The following SHISA6 variants were observed in gnomAD, a reference collection of about 807,000 sequenced individuals.
SHISA6 encodes the protein protein shisa-6.
In SHISA6, 22 loss-of-function variants were observed where a neutral mutation model predicts 47.9. That is an observed-to-expected ratio of 0.46 (90% CI 0.33 to 0.66). The LOEUF (loss-of-function observed/expected upper bound fraction) is 0.66. SHISA6 is among the 30% of genes least tolerant of loss of function. SHISA6 has a pLI of 0.02. For missense variants in SHISA6, 680 were observed against 764.6 expected, an observed-to-expected ratio of 0.89 and a Z score of 1.30; for synonymous variants, 388 against 337.8, an observed-to-expected ratio of 1.15 and a Z score of -1.63.
chr17:11,325,891 T>C (rs17596918), intron 2 of SHISA6, among the ~76,000 whole-genome samples: 41,171 of 152,048 alleles, frequency 0.27, 6,475 homozygotes, highest in Non-Finnish European at 0.35. Context: ...AAAACAATAA[T>C]GGGGACAGCC....
chr17:11,350,182 A>ATTTTTTTTTTTTTTTTTTT (rs778331945), intron 2 of SHISA6, among the ~76,000 whole-genome samples: 2 of 116,240 alleles, frequency 1.7e-5, no homozygotes, highest in African/African-American at 6.7e-5. Flanking sequence ...TTATTTATTT[A>ATTTTTTTTTTTTTTTTTTT]TTTTTTTTTT....
At chr17:11,388,833 TA>T (rs1913291411) in intron 3 of SHISA6, among the ~76,000 whole-genome samples, 5 of 94,356 alleles carry the variant, frequency 5.3e-5, no homozygotes, top group African/African-American at 9.1e-5. Flanking sequence ...TATATATATA[TA>T]TATATATTTT....
intron 3 of SHISA6, among the ~76,000 whole-genome samples, chr17:11,432,659 T>A (rs76093466): frequency 0.024 from 3,674 of 152,240 alleles, 148 homozygotes; most frequent in African/African-American, 0.084. Context: ...ATCTACTGAT[T>A]AATGGACAAA....
intron 2 of SHISA6, among the ~76,000 whole-genome samples, chr17:11,283,954 TC>T (rs1410364594): frequency 6.6e-6 from 1 of 152,174 alleles, no homozygotes; most frequent in Non-Finnish European, 1.5e-5. Flanking sequence ...AGGTTGTTGT[TC>T]CCCAGTTCCT....
At chr17:11,513,106 CAAG>C (rs1442112306) in intron 3 of SHISA6, among the ~76,000 whole-genome samples, 2 of 151,436 alleles carry the variant, frequency 1.3e-5, no homozygotes, top group Non-Finnish European at 2.9e-5. Context: ...TTCCGTTTCC[CAAG>C]AAGCATGTGC....
intron 3 of SHISA6, among the ~76,000 whole-genome samples, chr17:11,543,244 A>G (rs2071848765): frequency 1.3e-5 from 2 of 152,178 alleles, no homozygotes; most frequent in South Asian, 4.1e-4. Context: ...TGTTGAGTGT[A>G]ATGTATGTAT....
intron 2 of SHISA6, among the ~76,000 whole-genome samples, chr17:11,378,226 C>T (rs946424333): frequency 1.3e-5 from 2 of 152,194 alleles, no homozygotes; most frequent in African/African-American, 4.8e-5. Context: ...GGAAAAAACA[C>T]TTGGAAAATA....
intron 3 of SHISA6, among the ~76,000 whole-genome samples, chr17:11,388,099 G>A (rs75258115): frequency 0.036 from 5,537 of 152,256 alleles, 187 homozygotes; most frequent in Admixed American, 0.088. Flanking sequence ...ACAGTGGATT[G>A]TGGCAAGGAG....
intron 3 of SHISA6, among the ~76,000 whole-genome samples, chr17:11,436,636 G>T (rs1020327982): frequency 6.6e-6 from 1 of 152,058 alleles, no homozygotes; most frequent in East Asian, 1.9e-4. Flanking sequence ...CACCATGAGG[G>T]GAGGCACTCT....
In SHISA6 at chr17:11,543,659, T is replaced by G. The variant is rs147746765; in HGVS notation, c.896-8237T>G. Among the ~76,000 whole-genome samples, 147 of 151,926 alleles carry G rather than the reference T, an allele frequency of 9.7e-4. 1 individual carries two copies. The highest frequency in any genetic ancestry group is 3.2e-3 in the African/African-American group (134 of 41,468). ...AGGAAGTAGAATAGCTAAAAGAATT[T>G]TGAAAAAGAAAAATAAAGTAGGAGG... On this transcript the variant is annotated intron_variant, in intron 3 of 5. Transcript: ENST00000441885.
chr17:11,319,334 C>T (rs1910632731), intron 2 of SHISA6, among the ~76,000 whole-genome samples: 2 of 152,194 alleles, frequency 1.3e-5, no homozygotes, highest in African/African-American at 4.8e-5. Flanking sequence ...CCGCCTCGCC[C>T]TTCCAAAGTG....
chr17:11,557,310 A>C (rs1252092381), intron 5 of SHISA6, among the ~76,000 whole-genome samples: 2 of 152,236 alleles, frequency 1.3e-5, no homozygotes, highest in African/African-American at 2.4e-5. Context: ...TAAGACAGAT[A>C]GTCATTCTGT....
At chr17:11,290,049 T>G (rs756413821) in intron 2 of SHISA6, 1 of 152,206 alleles carries the variant, frequency 6.6e-6, no homozygotes, top group Non-Finnish European at 1.5e-5. Context: ...CTGTGGTGGT[T>G]GTTTTGAATT....
At chr17:11,435,568 T>G (rs1008201652) in intron 3 of SHISA6, among the ~76,000 whole-genome samples, 1 of 152,202 alleles carries the variant, frequency 6.6e-6, no homozygotes, top group Admixed American at 6.5e-5. Flanking sequence ...AAGTCATCTT[T>G]GTTAAAAAAC....
chr17:11,415,234 A>C (rs1208584062), intron 3 of SHISA6, among the ~76,000 whole-genome samples: 1 of 152,202 alleles, frequency 6.6e-6, no homozygotes, highest in Non-Finnish European at 1.5e-5. Context: ...CAGTCCAATG[A>C]AGTAAGAAAT....
chr17:11,394,145 C>T (rs193234800), intron 3 of SHISA6, among the ~76,000 whole-genome samples: 12 of 152,268 alleles, frequency 7.9e-5, no homozygotes, highest in African/African-American at 2.4e-4. Flanking sequence ...ACTGTGTTCC[C>T]TATGGCTAGC....
intron 2 of SHISA6, among the ~76,000 whole-genome samples, chr17:11,305,315 C>A (rs371707416): frequency 1.3e-5 from 2 of 152,162 alleles, no homozygotes; most frequent in African/African-American, 4.8e-5. Flanking sequence ...ACCATGAAGT[C>A]ATCTTTATAG....
chr17:11,364,695 C>A lies in SHISA6; in HGVS notation c.800-14719C>A, dbSNP rs1241533238. 2.0e-5 allele frequency among the ~76,000 whole-genome samples: 3 copies of A among 152,242 alleles called. No homozygotes were observed. In the East Asian group the frequency reaches 5.8e-4, roughly 29 times the overall value. On this transcript the variant is annotated intron_variant, in intron 2 of 5. Transcript: ENST00000441885. The stretch of plus-strand genomic sequence containing the variant: ...ACATGTCAATTGACGGACATATATT[C>A]ATTTCTCCTGGGTAAATTTTTAGAT...
intron 2 of SHISA6, among the ~76,000 whole-genome samples, chr17:11,376,996 A>G (rs1912823482): frequency 6.6e-6 from 1 of 152,240 alleles, no homozygotes; most frequent in Non-Finnish European, 1.5e-5. Context: ...CCTCAGTCTC[A>G]TGAGCAGCTT....
Sources: allele counts gnomAD v4.1 joint callset (sites outside exome capture counted in the v4.1 genomes callset), GRCh38; gene constraint gnomAD v4.1.1; transcripts MANE v1.5; gene names NCBI Gene and HGNC (gene_info 2026-07-23, HGNC 2026-07-21).